The following NFATC2 variants were observed in gnomAD, a reference collection of about 807,000 sequenced individuals.
NFATC2 encodes nuclear factor of activated T cells 2.
Under a neutral mutation model 87.3 loss-of-function variants are expected in NFATC2, and 22 were observed. The observed-to-expected ratio is 0.25, with a 90% CI of 0.18 to 0.36. The LOEUF is 0.36. NFATC2 is among the 10% of genes least tolerant of loss of function. The pLI is 1.00. For missense variants in NFATC2, 1,149 were observed against 1,259.1 expected (o/e 0.91, Z 1.32); for synonymous variants, 565 against 542.2 (o/e 1.04, Z -0.58).
Position 51,542,671 on chromosome 20 carries a change from G to C in NFATC2, c.-172C>G. On this transcript the variant is annotated 5_prime_UTR_variant, in exon 1 of 11. Transcript: ENST00000371564. Reference sequence around the variant, plus strand: ...GCCTGGCGCAGCGGGTCCTGGACGCGCCCGGGGAAGCTGAGCGGCGGCGGC... The same window carrying C: ...GCCTGGCGCAGCGGGTCCTGGACGCCCCCGGGGAAGCTGAGCGGCGGCGGC... The C allele has an allele frequency of 8.7e-7, 1 of 1,153,446 alleles. No homozygotes were observed. The highest frequency in any genetic ancestry group is 3.6e-4 in the Middle Eastern group (1 of 2,778). The allele number at this position is 1,153,446 out of a possible 1,614,324, so 71.5% of individuals were successfully genotyped here. A position where few individuals can be genotyped will look rare whatever the true frequency, so the allele number is the denominator to read the frequency against.
At position 51,391,664 on chromosome 20, in the gene NFATC2, G is replaced by A. The variant is rs369028578; in HGVS notation, c.*45-213C>T. 7.5e-4 allele frequency among the ~76,000 whole-genome samples: 113 copies of A among 151,596 alleles called. 1 individual carries two copies. The East Asian group carries it at 8.2e-3, about 11-fold the overall frequency. On this transcript the variant is annotated intron_variant, in intron 10 of 10. Coordinates refer to ENST00000371564, the MANE Select transcript of NFATC2 (RefSeq NM_012340.5). ...TAGCTGGGACTACATACAGGTGCAC[G>A]CCACCACACCTGACTACATTTTTAA...
rs547877793 is a variant in NFATC2, at chr20:51,489,013, AC to A, written c.1333-13354del. ...AGACCAGACTGGCCAACATGGCGAAACCCCCGTCTCTACTAAACATACAAAA... is the reference window on the plus strand; with the variant it reads ...AGACCAGACTGGCCAACATGGCGAAACCCCGTCTCTACTAAACATACAAAA... On this transcript the variant is annotated intron_variant, in intron 3 of 10. Transcript: ENST00000371564. Among the ~76,000 whole-genome samples, 23 of 152,206 alleles carry A rather than the reference AC, an allele frequency of 1.5e-4. No individual in the cohort carries two copies. The East Asian group carries it at 3.5e-3, about 23-fold the overall frequency.
intron 9 of NFATC2, among the ~76,000 whole-genome samples, chr20:51,429,042 CA>C (rs1437882238): frequency 6.6e-6 from 1 of 152,240 alleles, no homozygotes; most frequent in East Asian, 1.9e-4. Flanking sequence ...GGGGATTTTC[CA>C]GTTTACTTGT....
At chr20:51,441,558 A>G (rs1984339467) in intron 6 of NFATC2, among the ~76,000 whole-genome samples, 1 of 151,852 alleles carries the variant, frequency 6.6e-6, no homozygotes, top group African/African-American at 2.4e-5. Flanking sequence ...TCTACTAAAA[A>G]TACAAAAAAT....
intron 9 of NFATC2, among the ~76,000 whole-genome samples, chr20:51,412,306 C>G (rs1478025950): frequency 1.3e-5 from 2 of 152,174 alleles, no homozygotes; most frequent in Admixed American, 1.3e-4. Context: ...GGGTCTGCGA[C>G]CAAAAGGGGT....
intron 4 of NFATC2, among the ~76,000 whole-genome samples, chr20:51,474,963 C>CTTTTTT (rs1387504137): frequency 1.4e-5 from 2 of 147,162 alleles, no homozygotes; most frequent in Non-Finnish European, 1.5e-5. Context: ...ACATATTATA[C>CTTTTTT]TTTATTTATT....
chr20:51,496,376 C>T (rs1389994904), intron 3 of NFATC2, among the ~76,000 whole-genome samples: 2 of 152,038 alleles, frequency 1.3e-5, no homozygotes, highest in African/African-American at 4.8e-5. Context: ...AGAGTTCCCT[C>T]ACCTCTGCAC....
intron 3 of NFATC2, among the ~76,000 whole-genome samples, chr20:51,502,693 G>A (rs1396255084): frequency 1.3e-5 from 2 of 152,178 alleles, no homozygotes; most frequent in African/African-American, 4.8e-5. Context: ...ACATGACAAG[G>A]CAAGTGTGTC....
rs2146726633 is a variant in NFATC2 at position 51,524,222 on chromosome 20, C to T, written c.131-112G>A. ...CACGTCGTTTATTTTTTTCAAATTC[C>T]CACCATGCCAAACCCCAAGCTAGAA... On this transcript the variant is annotated intron_variant, in intron 1 of 10. Transcript: ENST00000371564. The surrounding 1 kb of genome is among the most constrained non-coding windows in gnomAD (Gnocchi z 4.0). 2 of 1,023,824 alleles carry T rather than the reference C, an allele frequency of 2.0e-6. No individual in the cohort carries two copies. Among genetic ancestry groups the T allele is most frequent in the Non-Finnish European group, 2.6e-6 (2 of 772,310 alleles). The allele number at this position is 1,023,824 out of a possible 1,614,324, so 63.4% of individuals were successfully genotyped here.
At chr20:51,444,530 G>A (rs1349222348) in intron 6 of NFATC2, among the ~76,000 whole-genome samples, 5 of 152,042 alleles carry the variant, frequency 3.3e-5, no homozygotes, top group South Asian at 4.1e-4. Flanking sequence ...GAGGAGCTGC[G>A]GGCTCATGTC....
chr20:51,513,806 C>A (rs1361991429), intron 3 of NFATC2, among the ~76,000 whole-genome samples: 1 of 152,246 alleles, frequency 6.6e-6, no homozygotes, highest in Non-Finnish European at 1.5e-5. Context: ...AAGGCTCATA[C>A]TGGAACAGCA....
At chr20:51,477,535 CTATATATA>C (rs11467129) in intron 3 of NFATC2, among the ~76,000 whole-genome samples, 2,820 of 72,614 alleles carry the variant, frequency 0.039, 54 homozygotes, top group Middle Eastern at 0.067. Flanking sequence ...GTGTGTGTGT[CTATATATA>C]TATATATATA....
chr20:51,478,555 C>T (rs1988956817), intron 3 of NFATC2, among the ~76,000 whole-genome samples: 2 of 152,188 alleles, frequency 1.3e-5, no homozygotes. Flanking sequence ...CTTGTTGGCA[C>T]ACCTGCCCAA....
chr20:51,432,321 C>G lies in NFATC2; in HGVS notation c.2468G>C (p.Gly823Ala). ...YSPTNQQLRC[G>A]SHQEFQHIMY... The stretch of plus-strand genomic sequence containing the variant: ...GATGTGCTGGAACTCCTGGTGGCTT[C>G]CGCAGCGCAGCTGCTGGTTGGTGGG... Residue 823 changes from glycine (G) to alanine (A), a missense_variant, in exon 9 of 11, where the codon GGA becomes GCA. Around this residue, in one of 3 missense-constraint regions of NFATC2, gnomAD observed 581 missense variants for 649.7 expected, o/e 0.89. Coordinates refer to ENST00000371564, the MANE Select transcript of NFATC2 (RefSeq NM_012340.5). This position sits in a 1 kb window ranked among gnomAD's most constrained non-coding sequence, Gnocchi z 4.6. 3 of 1,614,194 alleles carry G rather than the reference C, an allele frequency of 1.9e-6. No individual in the cohort carries two copies. Among genetic ancestry groups the G allele is most frequent in the Non-Finnish European group, 2.5e-6 (3 of 1,180,038 alleles).
Position 51,392,216 on chromosome 20 carries a change from G to A in NFATC2, c.*45-765C>T, listed in dbSNP as rs1986441040. The stretch of plus-strand genomic sequence containing the variant: ...AGAGGAACCCTTACAAAGAGAGCAA[G>A]TGAGGGCCCCCCAAAGACTGACTAG... On this transcript the variant is annotated intron_variant, in intron 10 of 10. Transcript: ENST00000371564. Among the ~76,000 whole-genome samples the A allele has an allele frequency of 2.0e-5, 3 of 152,228 alleles. No homozygotes were observed. The South Asian group carries it at 6.2e-4, about 32-fold the overall frequency.
intron 6 of NFATC2, among the ~76,000 whole-genome samples, chr20:51,447,869 G>A (rs992963766): frequency 6.6e-6 from 1 of 152,204 alleles, no homozygotes; most frequent in Non-Finnish European, 1.5e-5. Flanking sequence ...TCGAGTTGAC[G>A]ACAAATGCTG....
chr20:51,558,915 T>C (rs940370919), intron 1 of NFATC2, among the ~76,000 whole-genome samples: 1 of 152,244 alleles, frequency 6.6e-6, no homozygotes, highest in African/African-American at 2.4e-5. Context: ...CAATGTTACC[T>C]GGGACCCAGT....
intron 3 of NFATC2, among the ~76,000 whole-genome samples, chr20:51,504,363 C>T (rs751239728): frequency 6.6e-6 from 1 of 152,076 alleles, no homozygotes; most frequent in Non-Finnish European, 1.5e-5. Flanking sequence ...CTTGAACTCC[C>T]GGCCTCAAGT....
At chr20:51,424,849 T>TA (rs34696779) in intron 9 of NFATC2, among the ~76,000 whole-genome samples, 21,009 of 142,914 alleles carry the variant, frequency 0.15, 1,789 homozygotes, top group East Asian at 0.24. Flanking sequence ...GGGATTACAT[T>TA]AAAAAAAAAA....
Sources: allele counts gnomAD v4.1 joint callset (sites outside exome capture counted in the v4.1 genomes callset), GRCh38; gene constraint gnomAD v4.1.1; regional missense constraint gnomAD v4.1.1; non-coding constraint Gnocchi (gnomAD v3.1); transcripts MANE v1.5; gene names NCBI Gene and HGNC (gene_info 2026-07-23, HGNC 2026-07-21).